HTR1F: variants seen among roughly 807,000 people sequenced by gnomAD.
HTR1F encodes the protein 5-hydroxytryptamine (serotonin) receptor 1F, G protein-coupled.
A neutral mutation model predicts 24.0 loss-of-function variants in HTR1F; 17 were observed. The observed-to-expected ratio is 0.71, with a 90% CI of 0.48 to 1.06. HTR1F has a LOEUF of 1.06. HTR1F is among the 50% of genes least tolerant of loss of function. The pLI, the probability that HTR1F is intolerant of heterozygous loss-of-function variation, is 0.00. For synonymous variants in HTR1F, 186 were observed against 156.8 expected (o/e 1.19, Z -1.39); for missense variants, 391 against 427.8 (o/e 0.91, Z 0.76).
chr3:87,919,636 A>G (rs1302114459), intron 2 of HTR1F, among the ~76,000 whole-genome samples: 2 of 152,194 alleles, frequency 1.3e-5, no homozygotes, highest in South Asian at 2.1e-4. Context: ...CATCACTAAT[A>G]ATCAGGGAAA....
chr3:87,827,008 G>A (rs1192811507), intron 2 of HTR1F, among the ~76,000 whole-genome samples: 2 of 151,822 alleles, frequency 1.3e-5, no homozygotes, highest in Admixed American at 6.6e-5. Flanking sequence ...ACAGGCTTTC[G>A]CCATGTTGCC....
At chr3:87,921,202 G>A (rs1313855082) in intron 2 of HTR1F, among the ~76,000 whole-genome samples, 5 of 151,876 alleles carry the variant, frequency 3.3e-5, no homozygotes, top group Non-Finnish European at 7.4e-5. Flanking sequence ...TCTGATTCTT[G>A]TGTTAACAGC....
chr3:87,854,230 A>C (rs552499340), intron 2 of HTR1F, among the ~76,000 whole-genome samples: 54 of 152,104 alleles, frequency 3.6e-4, no homozygotes, highest in African/African-American at 1.3e-3. Context: ...TCTATTTAAA[A>C]GAATTACAGT....
At chr3:87,943,009 C>T (rs1030012507) in intron 2 of HTR1F, among the ~76,000 whole-genome samples, 42 of 152,246 alleles carry the variant, frequency 2.8e-4, no homozygotes, top group African/African-American at 1.0e-3. Context: ...TCTTCCTTGC[C>T]CTGTGTTATA....
intron 2 of HTR1F, among the ~76,000 whole-genome samples, chr3:87,877,177 C>T (rs1705689289): frequency 1.3e-5 from 2 of 152,010 alleles, no homozygotes; most frequent in African/African-American, 2.4e-5. Context: ...AATTTCACCA[C>T]ATACAAGTTC....
intron 2 of HTR1F, among the ~76,000 whole-genome samples, chr3:87,918,894 C>A (rs1163658982): frequency 2.6e-5 from 4 of 151,968 alleles, no homozygotes; most frequent in Non-Finnish European, 5.9e-5. Flanking sequence ...TCATATGGAA[C>A]CAACAAAGGG....
chr3:87,852,474 A>G (rs1418230664), intron 2 of HTR1F, among the ~76,000 whole-genome samples: 1 of 151,802 alleles, frequency 6.6e-6, no homozygotes, highest in Non-Finnish European at 1.5e-5. Context: ...TTATCCTGAA[A>G]TAATACCCAG....
chr3:87,910,930 C>A (rs1821027), intron 2 of HTR1F, among the ~76,000 whole-genome samples: 60,950 of 151,682 alleles, frequency 0.4, 12,605 homozygotes, highest in African/African-American at 0.5. Context: ...CTAATGAGAA[C>A]AAAGATATAA....
intron 2 of HTR1F, among the ~76,000 whole-genome samples, chr3:87,893,343 C>G (rs1369131182): frequency 1.3e-5 from 2 of 152,050 alleles, no homozygotes; most frequent in Non-Finnish European, 2.9e-5. Context: ...TTTATCATTC[C>G]TAAAAATGAT....
chr3:87,869,611 G>A (rs180974472), intron 2 of HTR1F, among the ~76,000 whole-genome samples: 8 of 152,170 alleles, frequency 5.3e-5, no homozygotes, highest in Non-Finnish European at 1.0e-4. Flanking sequence ...AGGTTCAAAG[G>A]CCTAAGAAAC....
chr3:87,978,281 C>A (rs1471523246), intron 2 of HTR1F, among the ~76,000 whole-genome samples: 6 of 152,258 alleles, frequency 3.9e-5, no homozygotes, highest in Non-Finnish European at 8.8e-5. Context: ...CCAGAAGGGC[C>A]GCAGCTCTTC....
intron 2 of HTR1F, among the ~76,000 whole-genome samples, chr3:87,968,164 T>A (rs1246575500): frequency 2.6e-5 from 4 of 152,178 alleles, no homozygotes; most frequent in Admixed American, 6.6e-5. Context: ...CCCTAGAGAT[T>A]TGTGGAATTT....
intron 2 of HTR1F, among the ~76,000 whole-genome samples, chr3:87,881,696 T>C (rs1451258593): frequency 3.3e-5 from 5 of 152,182 alleles, no homozygotes; most frequent in East Asian, 3.8e-4. Context: ...TTACACCTTA[T>C]ACAAAAATCA....
At chr3:87,922,721 G>C (rs1019863937) in intron 2 of HTR1F, among the ~76,000 whole-genome samples, 4 of 151,892 alleles carry the variant, frequency 2.6e-5, no homozygotes, top group African/African-American at 9.7e-5. Flanking sequence ...ATGGGGTGTA[G>C]TTTCATTCTT....
At chr3:87,834,770 T>C (rs557014929) in intron 2 of HTR1F, among the ~76,000 whole-genome samples, 48 of 152,342 alleles carry the variant, frequency 3.2e-4, no homozygotes, top group Non-Finnish European at 5.7e-4. Context: ...GTTGGTAATA[T>C]TTTATGACAC....
At chr3:87,899,092 GC>G (rs1258414321) in intron 2 of HTR1F, among the ~76,000 whole-genome samples, 1 of 152,006 alleles carries the variant, frequency 6.6e-6, no homozygotes, top group Non-Finnish European at 1.5e-5. Context: ...ATCTTCTATG[GC>G]CCTCTTTCAG....
chr3:87,819,085 G>A (rs1704304601), intron 1 of HTR1F, among the ~76,000 whole-genome samples: 1 of 152,150 alleles, frequency 6.6e-6, no homozygotes, highest in South Asian at 2.1e-4. Context: ...GTGAAACACA[G>A]TTCAGTGACT....
At chr3:87,894,137 A>G (rs1706146903) in intron 2 of HTR1F, among the ~76,000 whole-genome samples, 1 of 152,054 alleles carries the variant, frequency 6.6e-6, no homozygotes, top group Non-Finnish European at 1.5e-5. Context: ...GCTGAGCAGT[A>G]TGCACCGAAC....
At chr3:87,857,131 G>A (rs1465305077) in intron 2 of HTR1F, among the ~76,000 whole-genome samples, 1 of 151,850 alleles carries the variant, frequency 6.6e-6, no homozygotes, top group Admixed American at 6.6e-5. Flanking sequence ...TCTGCTTGAA[G>A]AGCACAATGA....
Sources: allele counts gnomAD v4.1 joint callset (sites outside exome capture counted in the v4.1 genomes callset), GRCh38; gene constraint gnomAD v4.1.1; transcripts MANE v1.5; gene names NCBI Gene and HGNC (gene_info 2026-07-23, HGNC 2026-07-21).